The following SNX33 variants were observed in gnomAD, a reference collection of about 807,000 sequenced individuals.
The protein encoded by SNX33 is sorting nexin-33.
Under a neutral mutation model 38.8 loss-of-function variants are expected in SNX33, and 19 were observed. The observed-to-expected ratio is 0.49, with a 90% CI of 0.34 to 0.72. The LOEUF is 0.72. Ranked by LOEUF, SNX33 falls within the 30% of genes least tolerant of loss-of-function variation. The pLI is 0.01. For synonymous variants in SNX33, 246 were observed against 289.7 expected, an observed-to-expected ratio of 0.85 and a Z score of 1.53; for missense variants, 641 against 776.4, an observed-to-expected ratio of 0.83 and a Z score of 2.07.
rs1220586276 is a variant in SNX33, at chr15:75,657,518, T to TA, written c.*304dup. On this transcript the variant is annotated 3_prime_UTR_variant, in exon 2 of 2. Transcript: ENST00000308527. The surrounding 1 kb of genome is among the most constrained non-coding windows in gnomAD (Gnocchi z 5.5). Reference sequence around the variant, plus strand: ...CAGGGTCTCAGCCTCCCCTAGAGCCTATTTTGCTTGCTCACCTGGCCACTG... The same window carrying TA: ...CAGGGTCTCAGCCTCCCCTAGAGCCTAATTTTGCTTGCTCACCTGGCCACTG... 2.1e-6 allele frequency: 1 copy of TA among 467,458 alleles called. No individual in the cohort carries two copies. The highest frequency in any genetic ancestry group is 3.9e-6 in the Non-Finnish European group (1 of 255,430). 29.0% of individuals were successfully genotyped at this position (467,458 alleles called of 1,614,324 possible).
rs568980921 is a variant in SNX33, at chr15:75,649,816, A to G, written c.714A>G (p.Thr238=). ...TTGCCTGCTCTGTGGAGGACCCCAC[A>G]AAACAGACCAAATTCAAGGGCATCA... ...HPFACSVEDP[T]KQTKFKGIKS... The change falls in exon 1 of 2, where the codon ACA becomes ACG. Residue 238 remains threonine (T), a synonymous_variant. Transcript: ENST00000308527. This position sits in a 1 kb window ranked among gnomAD's most constrained non-coding sequence, Gnocchi z 6.6. 1 of 1,523,492 alleles carries G rather than the reference A, an allele frequency of 6.6e-7. No individual in the cohort carries two copies. Among genetic ancestry groups the G allele is most frequent in the East Asian group, 2.3e-5 (1 of 44,040 alleles). The allele number at this position is 1,523,492 out of a possible 1,614,324, so 94.4% of individuals were successfully genotyped here.
At chr15:75,653,610 T>A (rs1164885462) in intron 1 of SNX33, among the ~76,000 whole-genome samples, 1 of 152,104 alleles carries the variant, frequency 6.6e-6, no homozygotes, top group African/African-American at 2.4e-5. Context: ...TCCCCAGGGA[T>A]GGAGAGCTGA....
intron 1 of SNX33, among the ~76,000 whole-genome samples, chr15:75,651,479 G>T (rs911951303): frequency 4.1e-4 from 61 of 149,680 alleles, no homozygotes; most frequent in African/African-American, 1.4e-3. Context: ...GCCTGTTACT[G>T]CTGGGGCTGT....
intron 1 of SNX33, among the ~76,000 whole-genome samples, chr15:75,653,108 G>C (rs1306784148): frequency 6.6e-6 from 1 of 152,188 alleles, no homozygotes. Context: ...TGGGACCCGA[G>C]GGTCTTCATT....
Position 75,660,202 on chromosome 15 carries a change from C to T in SNX33, c.*2987C>T, listed in dbSNP as rs1893706221. 6.6e-6 allele frequency: 1 copy of T among 152,272 alleles called. No homozygotes were observed. The highest frequency in any genetic ancestry group is 2.4e-5 in the African/African-American group (1 of 41,440). 9.4% of individuals were successfully genotyped at this position (152,272 alleles called of 1,614,324 possible). A position where few individuals can be genotyped will look rare whatever the true frequency, so the allele number is the denominator to read the frequency against. ...CACCCGGGGTAGGGGATCCCCTGGTCACCAGTCTTGGCCCAGTACAGGAAA... is the reference window on the plus strand; with the variant it reads ...CACCCGGGGTAGGGGATCCCCTGGTTACCAGTCTTGGCCCAGTACAGGAAA... On this transcript the variant is annotated 3_prime_UTR_variant, in exon 2 of 2. Coordinates refer to ENST00000308527, the MANE Select transcript of SNX33 (RefSeq NM_153271.2).
rs1372083802 is a variant in SNX33, at chr15:75,649,429, TGAG to T, written c.333_335del (p.Glu111del). On this transcript the variant is annotated inframe_deletion, in exon 1 of 2. Transcript: ENST00000308527. The surrounding 1 kb of genome is among the most constrained non-coding windows in gnomAD (Gnocchi z 6.6). ...GCTTCCTCTCAAACCAGGGTAGCTTTGAGGAGGATGATGATGATGACTGGGATG... is the reference window on the plus strand; with the variant it reads ...GCTTCCTCTCAAACCAGGGTAGCTTTGAGGATGATGATGATGACTGGGATG... The T allele has an allele frequency of 8.5e-6, 13 of 1,537,550 alleles. No individual in the cohort carries two copies. Among genetic ancestry groups the T allele is most frequent in the Non-Finnish European group, 1.1e-5 (13 of 1,139,682 alleles).
At chr15:75,653,365 AG>A (rs1480749436) in intron 1 of SNX33, among the ~76,000 whole-genome samples, 1 of 152,158 alleles carries the variant, frequency 6.6e-6, no homozygotes, top group East Asian at 1.9e-4. Context: ...CCGGGACAAC[AG>A]GGGAAAGTAA....
chr15:75,658,484 C>G lies in SNX33; in HGVS notation c.*1269C>G, dbSNP rs537488170. The G allele has an allele frequency of 6.5e-6, 1 of 152,676 alleles. No homozygotes were observed. Among genetic ancestry groups the G allele is most frequent in the Non-Finnish European group, 1.5e-5 (1 of 68,068 alleles). The allele number at this position is 152,676 out of a possible 1,614,324, so 9.5% of individuals were successfully genotyped here. A position where few individuals can be genotyped will look rare whatever the true frequency, so the allele number is the denominator to read the frequency against. On this transcript the variant is annotated 3_prime_UTR_variant, in exon 2 of 2. Coordinates refer to ENST00000308527, the MANE Select transcript of SNX33 (RefSeq NM_153271.2). This position sits in a 1 kb window ranked among gnomAD's most constrained non-coding sequence, Gnocchi z 4.1. The stretch of plus-strand genomic sequence containing the variant: ...CCCCGAGGGGTTTCTGCCTCCTCCC[C>G]ACCCAGGTCAGGGTGTGGTCCAGCA...
chr15:75,657,100 G>T lies in SNX33; in HGVS notation c.1610G>T (p.Arg537Leu). 1 of 1,614,178 alleles carries T rather than the reference G, an allele frequency of 6.2e-7. No individual in the cohort carries two copies. The highest frequency in any genetic ancestry group is 8.5e-7 in the Non-Finnish European group (1 of 1,180,012). Residue 537 changes from arginine to leucine, a missense_variant, in exon 2 of 2, where the codon CGC becomes CTC. By Grantham distance (102) the Arg-to-Leu change is moderately radical. Around this residue, in one of 2 missense-constraint regions of SNX33, gnomAD observed 398 missense variants for 542.5 expected, o/e 0.73. Coordinates refer to ENST00000308527, the MANE Select transcript of SNX33 (RefSeq NM_153271.2). This position sits in a 1 kb window ranked among gnomAD's most constrained non-coding sequence, Gnocchi z 5.5. ...GCCGAGATGAACCACTTCCACCAGC[G>T]CCGTGAGCTCGACTTCAAGCACATG... ...LQAEMNHFHQ[R>L]RELDFKHMMQ...
Position 75,649,299 on chromosome 15 carries a change from A to G in SNX33, c.197A>G (p.Asn66Ser). 1 of 1,608,298 alleles carries G rather than the reference A, an allele frequency of 6.2e-7. No individual in the cohort carries two copies. Among genetic ancestry groups the G allele is most frequent in the South Asian group, 1.1e-5 (1 of 90,348 alleles). The part of the protein sequence containing the change: ...VEIVRSGIST[N>S]HADYSSSPAG... ...ATCGTCCGTTCTGGCATCAGCACCAACCATGCTGACTACTCCAGCAGCCCT... is the reference window on the plus strand; with the variant it reads ...ATCGTCCGTTCTGGCATCAGCACCAGCCATGCTGACTACTCCAGCAGCCCT... Residue 66 changes from asparagine to serine, a missense_variant, in exon 1 of 2, where the codon AAC becomes AGC. Around this residue, in one of 2 missense-constraint regions of SNX33, gnomAD observed 243 missense variants for 233.9 expected, o/e 1.04. Transcript: ENST00000308527. This position sits in a 1 kb window ranked among gnomAD's most constrained non-coding sequence, Gnocchi z 6.6.
rs1282070615 is a variant in SNX33, at chr15:75,660,293, T to G, written c.*3078T>G. 2.0e-5 allele frequency: 3 copies of G among 152,252 alleles called. No individual in the cohort carries two copies. Among genetic ancestry groups the G allele is most frequent in the Non-Finnish European group, 4.4e-5 (3 of 68,092 alleles). 9.4% of individuals were successfully genotyped at this position (152,252 alleles called of 1,614,324 possible). ...AAGCAGACCTCAGATCCTGCATCTC[T>G]TCACCCGCTGGACACAGGAGGGCTA... is the stretch of plus-strand genomic sequence containing the variant. On this transcript the variant is annotated 3_prime_UTR_variant, in exon 2 of 2. Transcript: ENST00000308527.
rs1893526450 is a variant in SNX33, at chr15:75,648,480, C to G, written c.-623C>G. ...AGCCGGACACATCCACCCTTGGACT[C>G]GATTCAGGCGGCTGCTGCTTTTCTC... On this transcript the variant is annotated 5_prime_UTR_variant, in exon 1 of 2. Transcript: ENST00000308527. The surrounding 1 kb of genome is among the most constrained non-coding windows in gnomAD (Gnocchi z 4.4). 7.1e-6 allele frequency: 7 copies of G among 985,412 alleles called. No homozygotes were observed. Among genetic ancestry groups the G allele is most frequent in the Non-Finnish European group, 8.4e-6 (7 of 829,952 alleles). The allele number at this position is 985,412 out of a possible 1,614,324, so 61.0% of individuals were successfully genotyped here.
In SNX33 at chr15:75,657,051, C is replaced by T. The variant is rs773090905; in HGVS notation, c.1561C>T (p.Arg521Cys). 1.7e-5 allele frequency: 27 copies of T among 1,614,040 alleles called. No individual in the cohort carries two copies. Among genetic ancestry groups the T allele is most frequent in the East Asian group, 2.2e-5 (1 of 44,904 alleles). Residue 521 changes from arginine (R) to cysteine (C), a missense_variant, in exon 2 of 2, where the codon CGC becomes TGC. Physicochemically the swap from Arg to Cys is radical, Grantham distance 180. Coordinates refer to ENST00000308527, the MANE Select transcript of SNX33 (RefSeq NM_153271.2). This position sits in a 1 kb window ranked among gnomAD's most constrained non-coding sequence, Gnocchi z 5.5. ...GGCAGACGGCATTCGCAGGCGCTGC[C>T]GCGTGGTGGGTTTCGCCCTGCAGGC... ...DEADGIRRRC[R>C]VVGFALQAEM...
rs1346317581 is a variant in SNX33 at position 75,647,957 on chromosome 15, C to T, written c.-1146C>T. The T allele has an allele frequency of 2.0e-6, 2 of 985,378 alleles. No homozygotes were observed. The highest frequency in any genetic ancestry group is 2.3e-4 in the East Asian group (2 of 8,790). The allele number at this position is 985,378 out of a possible 1,614,324, so 61.0% of individuals were successfully genotyped here. A position where few individuals can be genotyped will look rare whatever the true frequency, so the allele number is the denominator to read the frequency against. ...CCTTCTCGCTGGCGGAGCGGAGGGT[C>T]TGCGAGCGCCGGGGAAGGCAGGCTG... On this transcript the variant is annotated 5_prime_UTR_variant, in exon 1 of 2. Coordinates refer to ENST00000308527, the MANE Select transcript of SNX33 (RefSeq NM_153271.2).
In SNX33 at chr15:75,660,783, A is replaced by T. The variant is rs527789928; in HGVS notation, c.*3568A>T. On this transcript the variant is annotated 3_prime_UTR_variant, in exon 2 of 2. Coordinates refer to ENST00000308527, the MANE Select transcript of SNX33 (RefSeq NM_153271.2). The stretch of plus-strand genomic sequence containing the variant: ...ATCTCTGTGCCTGGACTGCACCTGC[A>T]TGACCTCCCAGGGTCCCCACCTCAT... The T allele has an allele frequency of 2.6e-5, 4 of 152,472 alleles. No individual in the cohort carries two copies. Among genetic ancestry groups the T allele is most frequent in the African/African-American group, 9.6e-5 (4 of 41,576 alleles). The allele number at this position is 152,472 out of a possible 1,614,324, so 9.4% of individuals were successfully genotyped here.
At chr15:75,653,705 C>T (rs1004929988) in intron 1 of SNX33, among the ~76,000 whole-genome samples, 3 of 152,186 alleles carry the variant, frequency 2.0e-5, no homozygotes, top group Admixed American at 2.0e-4. Context: ...GACCACAGAG[C>T]TTCCATGGAG....
rs186572469 is a variant in SNX33 at position 75,648,090 on chromosome 15, C to A, written c.-1013C>A. 5.6e-4 allele frequency: 556 copies of A among 985,460 alleles called. 2 individuals are homozygous for A. The African/African-American group carries it at 9.2e-3, about 16-fold the overall frequency. 61.0% of individuals were successfully genotyped at this position (985,460 alleles called of 1,614,324 possible). A position where few individuals can be genotyped will look rare whatever the true frequency, so the allele number is the denominator to read the frequency against. On this transcript the variant is annotated 5_prime_UTR_variant, in exon 1 of 2. Coordinates refer to ENST00000308527, the MANE Select transcript of SNX33 (RefSeq NM_153271.2). This position sits in a 1 kb window ranked among gnomAD's most constrained non-coding sequence, Gnocchi z 4.4. ...CTCGCCGGAGCTCACTCTCCAAACT[C>A]CAAACTGTTGAGTGTGTGCGTGCAC...
intron 1 of SNX33, among the ~76,000 whole-genome samples, chr15:75,654,351 A>T (rs997985614): frequency 1.3e-5 from 2 of 152,160 alleles, no homozygotes; most frequent in Non-Finnish European, 2.9e-5. Flanking sequence ...GGCAGTGGGG[A>T]GACCTGGAGC....
At position 75,659,914 on chromosome 15, in the gene SNX33, GC is replaced by G. The variant is rs1157163701; in HGVS notation, c.*2702del. On this transcript the variant is annotated 3_prime_UTR_variant, in exon 2 of 2. Coordinates refer to ENST00000308527, the MANE Select transcript of SNX33 (RefSeq NM_153271.2). ...TGTGGCAGGGAGGGAGGCTGTCCTG[GC>G]CCTCCTCTCTCTTTTCTTTCTGCCT... The G allele has an allele frequency of 1.3e-5, 2 of 149,764 alleles. No homozygotes were observed. Among genetic ancestry groups the G allele is most frequent in the Admixed American group, 6.7e-5 (1 of 14,888 alleles). The allele number at this position is 149,764 out of a possible 1,614,324, so 9.3% of individuals were successfully genotyped here.
Sources: allele counts gnomAD v4.1 joint callset (sites outside exome capture counted in the v4.1 genomes callset), GRCh38; gene constraint gnomAD v4.1.1; regional missense constraint gnomAD v4.1.1; non-coding constraint Gnocchi (gnomAD v3.1); transcripts MANE v1.5; gene names NCBI Gene and HGNC (gene_info 2026-07-23, HGNC 2026-07-21).